Variants in TNNC2 observed in about 807,000 individuals in gnomAD.
The protein encoded by TNNC2 is troponin C2, fast skeletal type.
TNNC2 carries 14 observed loss-of-function variants against 20.0 expected under a neutral mutation model. The observed-to-expected ratio is 0.70, with a 90% CI of 0.46 to 1.09. TNNC2 has a LOEUF of 1.09. TNNC2 is among the 50% of genes least tolerant of loss of function. TNNC2 has a pLI of 0.00. For synonymous variants in TNNC2, 81 were observed against 77.3 expected (o/e 1.05, Z -0.25); for missense variants, 163 against 223.8 (o/e 0.73, Z 1.73).
At chr20:45,826,629 C>T (rs1230931261) in intron 1 of TNNC2, among the ~76,000 whole-genome samples, 1 of 152,202 alleles carries the variant, frequency 6.6e-6, no homozygotes. Flanking sequence ...CAGGCATGGG[C>T]AACAGCAGCT....
chr20:45,828,511 G>A (rs1983029569), upstream of TNNC2, among the ~76,000 whole-genome samples: 1 of 152,200 alleles, frequency 6.6e-6, no homozygotes, highest in African/African-American at 2.4e-5. Context: ...ACCTTCTCCA[G>A]GGAAAGGGTG....
At position 45,824,426 on chromosome 20, in the gene TNNC2, G is replaced by A; in HGVS notation, c.200-20C>T. 6.2e-7 allele frequency: 1 copy of A among 1,611,030 alleles called. No homozygotes were observed. Among genetic ancestry groups the A allele is most frequent in the South Asian group, 1.1e-5 (1 of 91,080 alleles). ...CGCTGCCTGCGGGCAGCAGGTGGCA[G>A]ACTGAGCCTGAGCCCAGCCGCTGCC... is the stretch of plus-strand genomic sequence containing the variant. On this transcript the variant is annotated intron_variant, in intron 3 of 5. Coordinates refer to ENST00000372555, the MANE Select transcript of TNNC2 (RefSeq NM_003279.3).
At chr20:45,827,347 G>T, upstream of TNNC2, 1 of 1,537,836 alleles carries the variant, frequency 6.5e-7, no homozygotes, top group Non-Finnish European at 8.9e-7. Flanking sequence ...GATTTGTAGG[G>T]GCACCCTCCC....
chr20:45,824,336 C>T lies in TNNC2; in HGVS notation c.270G>A (p.Gly90=), dbSNP rs756556811. The change falls in exon 4 of 6, where the codon GGG becomes GGA. Residue 90 remains glycine, a synonymous_variant. Transcript: ENST00000372555. The part of the protein sequence containing the change: ...MVRQMKEDAK[G]KSEEELAECF... Reference sequence around the variant, plus strand: ...ACTCGGCCAGCTCCTCCTCGCTCTTCCCTTTCGCGTCCTCTTTCATCTGGC... The same window carrying T: ...ACTCGGCCAGCTCCTCCTCGCTCTTTCCTTTCGCGTCCTCTTTCATCTGGC... The T allele has an allele frequency of 4.3e-6, 7 of 1,611,282 alleles. No homozygotes were observed. Among genetic ancestry groups the T allele is most frequent in the East Asian group, 2.2e-5 (1 of 44,858 alleles).
upstream of TNNC2, chr20:45,827,470 T>C (rs1983003262): frequency 5.1e-6 from 3 of 585,618 alleles, no homozygotes; most frequent in Admixed American, 3.0e-5. Context: ...CCAAGGGCCC[T>C]TGCAGAGAAA....
upstream of TNNC2, among the ~76,000 whole-genome samples, chr20:45,827,521 T>C (rs1601057027): frequency 6.6e-6 from 1 of 152,092 alleles, no homozygotes; most frequent in Non-Finnish European, 1.5e-5. Flanking sequence ...ACGTCCTAGA[T>C]TCTTGTGAGG....
chr20:45,827,220 G>A (rs1366016960), intron 1 of TNNC2, 26 bp downstream of exon 1: 1 of 1,614,126 alleles, frequency 6.2e-7, no homozygotes, highest in East Asian at 2.2e-5. Flanking sequence ...CGTGAGTAAA[G>A]GCACAAAGTC....
At chr20:45,829,547 A>C (rs969237433), upstream of TNNC2, among the ~76,000 whole-genome samples, 2 of 151,572 alleles carry the variant, frequency 1.3e-5, no homozygotes, top group African/African-American at 2.4e-5. Context: ...TGGGAGGCTG[A>C]GATGGGCGGA....
At chr20:45,826,036 G>A (rs192513656) in intron 1 of TNNC2, among the ~76,000 whole-genome samples, 40 of 127,782 alleles carry the variant, frequency 3.1e-4, no homozygotes, top group Middle Eastern at 3.8e-3. Context: ...CCTTAGGCAC[G>A]TCAATTAGCG....
At chr20:45,824,214 A>C in intron 4 of TNNC2, 78 bp downstream of exon 4, 3 of 1,599,900 alleles carry the variant, frequency 1.9e-6, no homozygotes, top group Non-Finnish European at 1.7e-6. Context: ...CGCACTCCCA[A>C]CACGGGGAAG....
chr20:45,824,087 TCTC>T lies in TNNC2; in HGVS notation c.352_354del (p.Glu118del). The T allele has an allele frequency of 6.2e-7, 1 of 1,614,026 alleles. No individual in the cohort carries two copies. Among genetic ancestry groups the T allele is most frequent in the Non-Finnish European group, 8.5e-7 (1 of 1,179,966 alleles). ...ACGTGCTCCCCGGAGGCCCTGAAAA[TCTC>T]AGCCAGCTCCTCCGGGTCGATGTAG... On this transcript the variant is annotated inframe_deletion, in exon 5 of 6. Transcript: ENST00000372555.
chr20:45,824,608 G>T lies in TNNC2; in HGVS notation c.86C>A (p.Ala29Asp), dbSNP rs929077969. 4 of 1,611,038 alleles carry T rather than the reference G, an allele frequency of 2.5e-6. No homozygotes were observed. Among genetic ancestry groups the T allele is most frequent in the Non-Finnish European group, 3.4e-6 (4 of 1,180,004 alleles). The change falls in exon 3 of 6, where the codon GCT becomes GAT. Residue 29 changes from alanine (A) to aspartate (D), a missense_variant. By Grantham distance (126) the Ala-to-Asp change is moderately radical. Coordinates refer to ENST00000372555, the MANE Select transcript of TNNC2 (RefSeq NM_003279.3). ...EFKAAFDMFD[A>D]DGGGDISVKE... ...GACGCTGATGTCCCCACCACCATCAGCATCAAACATGTCAAAGGCAGCCTT... is the reference window on the plus strand; with the variant it reads ...GACGCTGATGTCCCCACCACCATCATCATCAAACATGTCAAAGGCAGCCTT...
chr20:45,824,695 T>TTGC, intron 2 of TNNC2, 57 bp from the exon 3 acceptor site: 1 of 1,537,414 alleles, frequency 6.5e-7, no homozygotes, highest in Non-Finnish European at 8.8e-7. Flanking sequence ...GCCTCACACC[T>TTGC]ACCCCCCCCC....
Position 45,823,298 on chromosome 20 carries a change from CT to C in TNNC2, c.*49del. On this transcript the variant is annotated 3_prime_UTR_variant, in exon 6 of 6. Coordinates refer to ENST00000372555, the MANE Select transcript of TNNC2 (RefSeq NM_003279.3). The surrounding 1 kb of genome is among the most constrained non-coding windows in gnomAD (Gnocchi z 4.6). Reference sequence around the variant, plus strand: ...TGGTGGGGACCCGGCAGGGCGGAGTCTCCCACACCCTAGGGACACGCGATCT... The same window carrying C: ...TGGTGGGGACCCGGCAGGGCGGAGTCCCCACACCCTAGGGACACGCGATCT... 5 of 1,533,426 alleles carry C rather than the reference CT, an allele frequency of 3.3e-6. No individual in the cohort carries two copies. The highest frequency in any genetic ancestry group is 4.4e-6 in the Non-Finnish European group (5 of 1,135,262). 95.0% of individuals were successfully genotyped at this position (1,533,426 alleles called of 1,614,324 possible).
chr20:45,830,091 T>C (rs1156653525), upstream of TNNC2, among the ~76,000 whole-genome samples: 1 of 151,676 alleles, frequency 6.6e-6, no homozygotes, highest in Admixed American at 6.6e-5. Context: ...TCCCAGCATT[T>C]TGGGAGGTGC....
upstream of TNNC2, among the ~76,000 whole-genome samples, chr20:45,831,113 C>A (rs1171892023): frequency 6.6e-6 from 1 of 151,852 alleles, no homozygotes; most frequent in African/African-American, 2.4e-5. Flanking sequence ...ACATGCAACC[C>A]CACCTTTACA....
chr20:45,827,024 A>C (rs563221696), intron 1 of TNNC2, among the ~76,000 whole-genome samples: 270 of 152,342 alleles, frequency 1.8e-3, no homozygotes, highest in African/African-American at 6.4e-3. Flanking sequence ...TCCAGAAGTG[A>C]GTAGGCAGTC....
upstream of TNNC2, among the ~76,000 whole-genome samples, chr20:45,830,067 G>A (rs1336639789): frequency 6.6e-6 from 1 of 151,704 alleles, no homozygotes; most frequent in Admixed American, 6.6e-5. Flanking sequence ...GGGCACGGTG[G>A]CTCATGCCTG....
intron 1 of TNNC2, 113 bp downstream of exon 1, chr20:45,827,133 A>G: frequency 7.0e-7 from 1 of 1,436,126 alleles, no homozygotes; most frequent in Non-Finnish European, 9.8e-7. Context: ...AGGAACCTCC[A>G]TGCTCCAACC....
Sources: gnomAD v4.1 joint callset for allele counts (sites outside exome capture counted in the v4.1 genomes callset) on GRCh38, gnomAD v4.1.1 for gene constraint, Gnocchi (gnomAD v3.1) non-coding constraint, MANE v1.5 for transcripts, NCBI Gene and HGNC (gene_info 2026-07-23, HGNC 2026-07-21) for gene names.